The following ANTXR1 variants were observed in gnomAD, a reference collection of about 807,000 sequenced individuals.
ANTXR1 encodes anthrax toxin receptor 1.
ANTXR1 carries 19 observed loss-of-function variants against 78.1 expected under a neutral mutation model. The ratio of observed to expected loss-of-function variants is 0.24; its 90% confidence interval spans 0.17 to 0.36. The LOEUF (loss-of-function observed/expected upper bound fraction) is 0.36. Among genes scored for constraint, ANTXR1 ranks in the 10% least tolerant of loss-of-function variants. The pLI, the probability that ANTXR1 is intolerant of heterozygous loss-of-function variation, is 1.00. For missense variants in ANTXR1, 518 were observed against 718.6 expected (o/e 0.72, Z 3.19); for synonymous variants, 273 against 260.5 (o/e 1.05, Z -0.46).
intron 9 of ANTXR1, among the ~76,000 whole-genome samples, chr2:69,095,518 A>C (rs1671371599): frequency 6.6e-6 from 1 of 152,264 alleles, no homozygotes; most frequent in Non-Finnish European, 1.5e-5. Context: ...GAGGCCAGGA[A>C]TTGAGATACT....
At chr2:69,068,156 A>T (rs1332411145) in intron 3 of ANTXR1, among the ~76,000 whole-genome samples, 1 of 152,160 alleles carries the variant, frequency 6.6e-6, no homozygotes, top group African/African-American at 2.4e-5. Flanking sequence ...CCCTTCAGTA[A>T]GTATTTGTTG....
At chr2:69,038,468 T>C (rs1474250828) in intron 1 of ANTXR1, among the ~76,000 whole-genome samples, 1 of 152,190 alleles carries the variant, frequency 6.6e-6, no homozygotes, top group Non-Finnish European at 1.5e-5. Flanking sequence ...TTTTGACCCT[T>C]TTTACAGTGC....
intron 12 of ANTXR1, chr2:69,145,860 C>G: frequency 1.0e-6 from 1 of 986,336 alleles, no homozygotes; most frequent in Non-Finnish European, 1.2e-6. Context: ...CACTCCCGCC[C>G]CATGCCATGC....
At chr2:69,037,216 G>A (rs1412045347) in intron 1 of ANTXR1, among the ~76,000 whole-genome samples, 1 of 152,220 alleles carries the variant, frequency 6.6e-6, no homozygotes, top group East Asian at 1.9e-4. Context: ...TTGAGGTTCA[G>A]TTGGCAAAAG....
chr2:69,175,223 G>A (rs773632336), intron 14 of ANTXR1, among the ~76,000 whole-genome samples: 6 of 152,212 alleles, frequency 3.9e-5, no homozygotes, highest in Non-Finnish European at 5.9e-5. Flanking sequence ...GCCCTAGTGT[G>A]TAGCTATTCT....
At chr2:69,123,699 T>C (rs550475256) in intron 11 of ANTXR1, among the ~76,000 whole-genome samples, 1 of 152,296 alleles carries the variant, frequency 6.6e-6, no homozygotes, top group South Asian at 2.1e-4. Flanking sequence ...GGTGATGCAA[T>C]TATAATAAGC....
intron 3 of ANTXR1, among the ~76,000 whole-genome samples, chr2:69,068,514 A>G (rs1248527089): frequency 6.6e-6 from 1 of 152,190 alleles, no homozygotes; most frequent in Non-Finnish European, 1.5e-5. Context: ...GCCGATGTGA[A>G]GTGCCTATTG....
intron 3 of ANTXR1, among the ~76,000 whole-genome samples, chr2:69,046,514 G>A (rs1669774208): frequency 6.6e-6 from 1 of 152,178 alleles, no homozygotes; most frequent in Non-Finnish European, 1.5e-5. Flanking sequence ...GCAGCATTTT[G>A]TATGGGTCAA....
chr2:69,104,143 TGGCCA>T (rs906956288), intron 10 of ANTXR1, among the ~76,000 whole-genome samples: 4 of 152,094 alleles, frequency 2.6e-5, no homozygotes, highest in African/African-American at 7.2e-5. Flanking sequence ...TTCATCATGT[TGGCCA>T]GGCTGGTCTC....
chr2:69,166,702 G>A (rs758610984), intron 13 of ANTXR1, among the ~76,000 whole-genome samples: 7 of 151,908 alleles, frequency 4.6e-5, no homozygotes, highest in Non-Finnish European at 1.0e-4. Flanking sequence ...CATCTTCTTT[G>A]TCCCTCCTAA....
intron 17 of ANTXR1, among the ~76,000 whole-genome samples, chr2:69,227,450 C>G (rs1239949681): frequency 9.2e-5 from 14 of 152,072 alleles, no homozygotes; most frequent in Admixed American, 9.2e-4. Context: ...ACCACAGCAC[C>G]CCAAATGCCC....
intron 14 of ANTXR1, among the ~76,000 whole-genome samples, chr2:69,175,615 C>A (rs1436399294): frequency 1.3e-5 from 2 of 152,080 alleles, no homozygotes; most frequent in African/African-American, 4.8e-5. Flanking sequence ...CAGAGCAAGA[C>A]CCCAACTCTT....
In ANTXR1 at chr2:69,143,388, T is replaced by C. The variant is rs963844316; in HGVS notation, c.952-8781T>C. On this transcript the variant is annotated intron_variant, in intron 12 of 17. Transcript: ENST00000303714. ...TGACTTCCAAGTTTTCAACTTGGGC[T>C]GATAAGTAGTGCCATCAAATGAGAG... is the stretch of plus-strand genomic sequence containing the variant. Among the ~76,000 whole-genome samples the C allele has an allele frequency of 2.0e-5, 3 of 152,204 alleles. No homozygotes were observed. The East Asian group carries it at 5.8e-4, about 29-fold the overall frequency.
chr2:69,132,064 G>A (rs1403801454), intron 12 of ANTXR1, among the ~76,000 whole-genome samples: 1 of 152,140 alleles, frequency 6.6e-6, no homozygotes, highest in East Asian at 1.9e-4. Context: ...TGCAGCACAA[G>A]GTTGGAAGCC....
intron 8 of ANTXR1, chr2:69,090,514 T>C (rs932520594): frequency 1.1e-5 from 4 of 359,118 alleles, no homozygotes; most frequent in South Asian, 5.2e-5. Flanking sequence ...GGAGTGGCCA[T>C]TGGCATTTAT....
chr2:69,045,769 T>A (rs781742587), intron 3 of ANTXR1, among the ~76,000 whole-genome samples: 3 of 152,170 alleles, frequency 2.0e-5, no homozygotes, highest in Non-Finnish European at 4.4e-5. Flanking sequence ...CTGTACCATG[T>A]AGGAGTTTTC....
At chr2:69,040,018 C>T (rs368926903) in intron 1 of ANTXR1, 26 bp from the exon 2 acceptor site, 18 of 1,604,658 alleles carry the variant, frequency 1.1e-5, no homozygotes, top group African/African-American at 1.3e-5. Flanking sequence ...ACCTGAGTCA[C>T]GCAACACCTG....
At chr2:69,107,204 A>G (rs1201693485) in intron 10 of ANTXR1, among the ~76,000 whole-genome samples, 1 of 152,032 alleles carries the variant, frequency 6.6e-6, no homozygotes, top group African/African-American at 2.4e-5. Context: ...TCAGATATGT[A>G]CTGTTCCAGA....
intron 17 of ANTXR1, among the ~76,000 whole-genome samples, chr2:69,239,806 C>T (rs1359102169): frequency 6.6e-6 from 1 of 152,176 alleles, no homozygotes; most frequent in African/African-American, 2.4e-5. Flanking sequence ...ACCATCAATG[C>T]CTGGAGTTCA....
Sources: gnomAD v4.1 joint callset for allele counts (sites outside exome capture counted in the v4.1 genomes callset) on GRCh38, gnomAD v4.1.1 for gene constraint, MANE v1.5 for transcripts, NCBI Gene and HGNC (gene_info 2026-07-23, HGNC 2026-07-21) for gene names.